Variants in MEGF11 observed in about 807,000 individuals in gnomAD.
The protein encoded by MEGF11 is multiple EGF like domains 11, also known as multiple epidermal growth factor-like domains protein 11.
MEGF11 carries 126 observed loss-of-function variants against 146.6 expected under a neutral mutation model. That is an observed-to-expected ratio of 0.86 (90% CI 0.74 to 1.00). MEGF11 has a LOEUF of 1.00. MEGF11 is among the 50% of genes least tolerant of loss of function. The pLI, the probability that MEGF11 is intolerant of heterozygous loss-of-function variation, is 0.00. For missense variants in MEGF11, 1,509 were observed against 1,521.2 expected (o/e 0.99, Z 0.13); for synonymous variants, 532 against 583.4 (o/e 0.91, Z 1.27).
At chr15:66,024,934 G>C (rs2083276539) in intron 5 of MEGF11, among the ~76,000 whole-genome samples, 1 of 152,120 alleles carries the variant, frequency 6.6e-6, no homozygotes, top group South Asian at 2.1e-4. Context: ...TGGGAGCTGT[G>C]GTGTGTGTTG....
intron 1 of MEGF11, among the ~76,000 whole-genome samples, chr15:66,211,684 G>A (rs1317736912): frequency 1.3e-5 from 2 of 151,548 alleles, no homozygotes; most frequent in Non-Finnish European, 2.9e-5. Flanking sequence ...TGATTGGTCG[G>A]TGCTATGATG....
chr15:65,940,865 C>T (rs1252653560), intron 10 of MEGF11, among the ~76,000 whole-genome samples: 1 of 152,206 alleles, frequency 6.6e-6, no homozygotes. Context: ...GAATAGGCTG[C>T]CAGTGATCTG....
At chr15:66,205,341 G>A (rs570388487) in intron 1 of MEGF11, among the ~76,000 whole-genome samples, 1 of 152,162 alleles carries the variant, frequency 6.6e-6, no homozygotes, top group Non-Finnish European at 1.5e-5. Context: ...ATACTTGGAA[G>A]GCTGAGGTGG....
intron 4 of MEGF11, 61 bp from the exon 5 acceptor site, chr15:66,094,555 G>T (rs1047437965): frequency 7.1e-7 from 1 of 1,405,426 alleles, no homozygotes; most frequent in Non-Finnish European, 9.8e-7. Context: ...CAACCATCTG[G>T]TCAAGGAGCA....
chr15:66,239,466 C>A (rs566721484), intron 1 of MEGF11, among the ~76,000 whole-genome samples: 2 of 152,218 alleles, frequency 1.3e-5, no homozygotes, highest in Admixed American at 1.3e-4. Flanking sequence ...TGGCCCCAGT[C>A]GTGAATTGAT....
At chr15:66,107,796 C>A (rs1488546980) in intron 4 of MEGF11, among the ~76,000 whole-genome samples, 2 of 152,200 alleles carry the variant, frequency 1.3e-5, no homozygotes, top group African/African-American at 2.4e-5. Flanking sequence ...AAAAGCCAGC[C>A]CACTCATCCT....
intron 21 of MEGF11, among the ~76,000 whole-genome samples, chr15:65,911,346 C>G (rs1420540378): frequency 6.6e-6 from 1 of 152,246 alleles, no homozygotes; most frequent in Non-Finnish European, 1.5e-5. Flanking sequence ...AGTAGTTACT[C>G]TATAATATGC....
At chr15:66,232,139 C>T (rs1468081613) in intron 1 of MEGF11, among the ~76,000 whole-genome samples, 1 of 152,200 alleles carries the variant, frequency 6.6e-6, no homozygotes, top group Non-Finnish European at 1.5e-5. Context: ...GCAGCCTAGG[C>T]CAGGAGCCTG....
intron 1 of MEGF11, among the ~76,000 whole-genome samples, chr15:66,237,535 C>T (rs1303027443): frequency 1.3e-5 from 2 of 152,228 alleles, no homozygotes; most frequent in African/African-American, 4.8e-5. Context: ...GGTCCACCGT[C>T]CTGTGGGGAA....
chr15:66,143,604 C>T (rs2089254313), intron 1 of MEGF11, among the ~76,000 whole-genome samples: 1 of 152,232 alleles, frequency 6.6e-6, no homozygotes, highest in African/African-American at 2.4e-5. Flanking sequence ...CAACTAATGA[C>T]AGAGGCAGAG....
chr15:66,003,142 C>T (rs149941952), intron 5 of MEGF11, among the ~76,000 whole-genome samples: 111 of 152,132 alleles, frequency 7.3e-4, no homozygotes, highest in African/African-American at 2.6e-3. Flanking sequence ...TACAGGTGCG[C>T]ACCACCACGG....
At chr15:65,935,325 A>G (rs937169595) in intron 10 of MEGF11, among the ~76,000 whole-genome samples, 4 of 39,680 alleles carry the variant, frequency 1.0e-4, no homozygotes, top group African/African-American at 2.6e-4. Context: ...GTCTCAAGAA[A>G]AAAAAAAAAA....
chr15:66,187,802 C>A (rs973070656), intron 1 of MEGF11, among the ~76,000 whole-genome samples: 3 of 152,236 alleles, frequency 2.0e-5, no homozygotes, highest in Non-Finnish European at 4.4e-5. Context: ...CACGTGCTTC[C>A]TGAGGATCCG....
chr15:66,104,368 T>C (rs544103932), intron 4 of MEGF11, among the ~76,000 whole-genome samples: 3 of 152,352 alleles, frequency 2.0e-5, no homozygotes, highest in South Asian at 4.1e-4. Flanking sequence ...GAAATGGCCC[T>C]GCCCTGGGAA....
At chr15:66,143,129 G>A (rs771564253) in intron 1 of MEGF11, among the ~76,000 whole-genome samples, 10 of 152,342 alleles carry the variant, frequency 6.6e-5, no homozygotes, top group Admixed American at 2.6e-4. Context: ...ATAAACATTC[G>A]ATAACTAATC....
At chr15:66,162,538 G>C (rs1289857656) in intron 1 of MEGF11, among the ~76,000 whole-genome samples, 3 of 152,174 alleles carry the variant, frequency 2.0e-5, no homozygotes, top group Non-Finnish European at 2.9e-5. Flanking sequence ...AGTGCTTACT[G>C]TATGATTCCA....
intron 1 of MEGF11, among the ~76,000 whole-genome samples, chr15:66,214,303 G>C (rs1165098822): frequency 3.9e-5 from 6 of 152,154 alleles, no homozygotes; most frequent in Non-Finnish European, 7.3e-5. Flanking sequence ...AAAGTACTGG[G>C]ATTACAGGGA....
chr15:66,141,433 C>T (rs575246944), intron 1 of MEGF11, among the ~76,000 whole-genome samples: 33 of 152,078 alleles, frequency 2.2e-4, no homozygotes, highest in Non-Finnish European at 3.1e-4. Context: ...ACTCAGAAGA[C>T]AAGCTTGGGC....
intron 2 of MEGF11, among the ~76,000 whole-genome samples, chr15:66,125,726 C>T (rs1042265596): frequency 2.0e-5 from 3 of 152,204 alleles, no homozygotes; most frequent in Non-Finnish European, 4.4e-5. Flanking sequence ...ATTCACTTCC[C>T]GTGCTAGGCA....
Sources: allele counts gnomAD v4.1 joint callset (sites outside exome capture counted in the v4.1 genomes callset), GRCh38; gene constraint gnomAD v4.1.1; transcripts MANE v1.5; gene names NCBI Gene and HGNC (gene_info 2026-07-23, HGNC 2026-07-21).